Variants in DSCAML1 observed in about 807,000 individuals in gnomAD.
DSCAML1 encodes DS cell adhesion molecule like 1.
A neutral mutation model predicts 200.5 loss-of-function variants in DSCAML1; 38 were observed. That is an observed-to-expected ratio of 0.19 (90% confidence interval 0.15 to 0.25). DSCAML1 has a LOEUF of 0.25. DSCAML1 is among the 10% of genes least tolerant of loss of function. The pLI is 1.00. For synonymous variants in DSCAML1, 1,215 were observed against 1,165.0 expected, an observed-to-expected ratio of 1.04 and a Z score of -0.87; for missense variants, 2,223 against 2,858.8, an observed-to-expected ratio of 0.78 and a Z score of 5.07.
rs892150242 is a variant in DSCAML1 at position 117,796,983 on chromosome 11, G to C, written c.46+51C>G. On this transcript the variant is annotated intron_variant, in intron 1 of 32. Transcript: ENST00000651296. ...GGCACCCCGCCTCGCCGCCAGCCGC[G>C]CCACCCTGGCCCCGCCGCCTCCGCC... is the stretch of plus-strand genomic sequence containing the variant. 1.0e-5 allele frequency: 13 copies of C among 1,254,488 alleles called. No individual in the cohort carries two copies. The African/African-American group carries it at 1.6e-4, about 15-fold the overall frequency. The allele number at this position is 1,254,488 out of a possible 1,614,324, so 77.7% of individuals were successfully genotyped here.
intron 3 of DSCAML1, among the ~76,000 whole-genome samples, chr11:117,550,623 G>A (rs2050451316): frequency 6.6e-6 from 1 of 152,160 alleles, no homozygotes; most frequent in South Asian, 2.1e-4. Context: ...TATCTTCTGA[G>A]CAAGGAGACG....
At chr11:117,731,588 A>T (rs2054219964) in intron 3 of DSCAML1, among the ~76,000 whole-genome samples, 1 of 152,162 alleles carries the variant, frequency 6.6e-6, no homozygotes, top group African/African-American at 2.4e-5. Context: ...GGCCCCCTGG[A>T]TCCCCCCAGA....
Position 117,428,491 on chromosome 11 carries a change from C to T in DSCAML1, c.5999G>A (p.Ser2000Asn), listed in dbSNP as rs758689036. 2 of 1,453,218 alleles carry T rather than the reference C, an allele frequency of 1.4e-6. No individual in the cohort carries two copies. The highest frequency in any genetic ancestry group is 2.5e-5 in the South Asian group (2 of 78,444). 90.0% of individuals were successfully genotyped at this position (1,453,218 alleles called of 1,614,324 possible). The part of the protein sequence containing the change: ...PTPAEPPTAP[S>N]AAPPAPSTEP... ...GGTGCTGGGGGCCGGAGGGGCAGCGCTGGGGGCGGTGGGTGGCTCAGCAGG... is the reference window on the plus strand; with the variant it reads ...GGTGCTGGGGGCCGGAGGGGCAGCGTTGGGGGCGGTGGGTGGCTCAGCAGG... The change falls in exon 33 of 33, where the codon AGC becomes AAC. Residue 2000 changes from serine (S) to asparagine (N), a missense_variant. Coordinates refer to ENST00000651296, the MANE Select transcript of DSCAML1 (RefSeq NM_020693.4).
intron 30 of DSCAML1, 47 bp from the exon 31 acceptor site, chr11:117,431,775 C>A: frequency 1.3e-6 from 2 of 1,485,864 alleles, no homozygotes; most frequent in Non-Finnish European, 1.8e-6. Flanking sequence ...CAAAGGCACC[C>A]AGGCTTGGGC....
intron 4 of DSCAML1, 109 bp downstream of exon 4, chr11:117,532,267 G>T (rs1592703402): frequency 2.8e-6 from 3 of 1,077,328 alleles, no homozygotes; most frequent in African/African-American, 1.6e-5. Flanking sequence ...TGATTTCCCT[G>T]AGTACACAGG....
chr11:117,742,202 C>T lies in DSCAML1; in HGVS notation c.511+34589G>A, dbSNP rs1367553563. ...ACCCAATCCTGAGTTCAGGCCCTCA[C>T]TTCACAGACTGAGACACTGAGGAGG... On this transcript the variant is annotated intron_variant, in intron 3 of 32. Coordinates refer to ENST00000651296, the MANE Select transcript of DSCAML1 (RefSeq NM_020693.4). Among the ~76,000 whole-genome samples, 4 of 152,324 alleles carry T rather than the reference C, an allele frequency of 2.6e-5. No homozygotes were observed. In the East Asian group the frequency reaches 7.7e-4, roughly 29 times the overall value.
At chr11:117,514,572 C>CTTTTTTTTTTT (rs532136039) in intron 8 of DSCAML1, among the ~76,000 whole-genome samples, 137 of 98,282 alleles carry the variant, frequency 1.4e-3, no homozygotes, top group Non-Finnish European at 1.9e-3. Flanking sequence ...TTTTCTTTTT[C>CTTTTTTTTTTT]TTTTTTTTTT....
chr11:117,520,720 GAAAAC>G (rs1039499411), intron 6 of DSCAML1, among the ~76,000 whole-genome samples: 3 of 151,510 alleles, frequency 2.0e-5, no homozygotes, highest in Admixed American at 6.6e-5. Context: ...CTCTGTCTCT[GAAAAC>G]AAAACAAAAC....
At chr11:117,443,329 C>T (rs1377210642) in intron 21 of DSCAML1, among the ~76,000 whole-genome samples, 3 of 152,250 alleles carry the variant, frequency 2.0e-5, no homozygotes, top group African/African-American at 7.2e-5. Flanking sequence ...ATGGCACACC[C>T]ATGTCCCGGT....
At position 117,456,777 on chromosome 11, in the gene DSCAML1, C is replaced by T. The variant is rs546261561; in HGVS notation, c.3568+1977G>A. ...GCAACTTCCACCTCCCAGGTTCAAG[C>T]GATTCTCGTGTTTCAGCCTCCTGAG... On this transcript the variant is annotated intron_variant, in intron 19 of 32. Transcript: ENST00000651296. Among the ~76,000 whole-genome samples the T allele has an allele frequency of 2.7e-3, 400 of 150,700 alleles. 1 individual carries two copies. The highest frequency in any genetic ancestry group is 9.3e-3 in the African/African-American group (382 of 40,978).
At chr11:117,748,900 CCA>C (rs1441522505) in intron 3 of DSCAML1, among the ~76,000 whole-genome samples, 1 of 152,208 alleles carries the variant, frequency 6.6e-6, no homozygotes, top group Non-Finnish European at 1.5e-5. Flanking sequence ...GTCCCACTGC[CCA>C]GGCCCAGTTG....
Position 117,463,364 on chromosome 11 carries a change from CT to C in DSCAML1, c.3265+1577del, listed in dbSNP as rs540060838. 0.019 allele frequency among the ~76,000 whole-genome samples: 2,678 copies of C among 141,220 alleles called. 17 individuals are homozygous for C. The highest frequency in any genetic ancestry group is 0.018 in the Non-Finnish European group (1,181 of 64,194). 92.6% of individuals were successfully genotyped at this position (141,220 alleles called of 152,430 possible). A position where few individuals can be genotyped will look rare whatever the true frequency, so the allele number is the denominator to read the frequency against. ...GGGAACTTATTAGAAATAATACATC[CT>C]TTTTTTTTTTTTTTTAGAGATGGGG... On this transcript the variant is annotated intron_variant, in intron 17 of 32. Coordinates refer to ENST00000651296, the MANE Select transcript of DSCAML1 (RefSeq NM_020693.4). This position sits in a 1 kb window ranked among gnomAD's most constrained non-coding sequence, Gnocchi z 4.0.
In DSCAML1 at chr11:117,503,361, C is replaced by G. The variant is rs780288413; in HGVS notation, c.2359+484G>C. ...TGGAGCACAGGGAGGGGGAGTGACT[C>G]GCCCAAGGTCACTCAGCTCATCAGG... On this transcript the variant is annotated intron_variant, in intron 11 of 32. Coordinates refer to ENST00000651296, the MANE Select transcript of DSCAML1 (RefSeq NM_020693.4). The surrounding 1 kb of genome is among the most constrained non-coding windows in gnomAD (Gnocchi z 5.2). 6.6e-6 allele frequency among the ~76,000 whole-genome samples: 1 copy of G among 152,144 alleles called. No individual in the cohort carries two copies. The highest frequency in any genetic ancestry group is 6.5e-5 in the Admixed American group (1 of 15,278).
intron 11 of DSCAML1, among the ~76,000 whole-genome samples, chr11:117,485,925 A>C (rs1385593048): frequency 6.6e-6 from 1 of 152,180 alleles, no homozygotes; most frequent in Non-Finnish European, 1.5e-5. Flanking sequence ...GTCATAGGCT[A>C]CACCTACTGG....
chr11:117,472,058 C>T (rs1380739836), intron 14 of DSCAML1, 22 bp from the exon 15 acceptor site: 1 of 1,610,978 alleles, frequency 6.2e-7, no homozygotes, highest in Non-Finnish European at 8.5e-7. Flanking sequence ...ACACCTATGT[C>T]AAAGCATGGC....
chr11:117,794,745 G>A (rs1403955191), intron 1 of DSCAML1, among the ~76,000 whole-genome samples: 5 of 151,162 alleles, frequency 3.3e-5, no homozygotes, highest in Admixed American at 6.6e-5. Flanking sequence ...CCCCCAAGCC[G>A]CCTCTGCCAC....
chr11:117,526,865 T>A (rs1181614301), intron 4 of DSCAML1, among the ~76,000 whole-genome samples: 1 of 152,064 alleles, frequency 6.6e-6, no homozygotes, highest in Admixed American at 6.5e-5. Context: ...AGGTCAGGCA[T>A]AGTAGCTCAT....
chr11:117,471,335 C>A (rs1287432643), intron 15 of DSCAML1, among the ~76,000 whole-genome samples: 3 of 152,132 alleles, frequency 2.0e-5, no homozygotes, highest in Non-Finnish European at 2.9e-5. Flanking sequence ...CCACGCCCAG[C>A]TAATTTTTGT....
intron 19 of DSCAML1, among the ~76,000 whole-genome samples, chr11:117,457,043 T>A (rs900966088): frequency 6.6e-6 from 1 of 152,186 alleles, no homozygotes; most frequent in African/African-American, 2.4e-5. Context: ...GTACTTGACA[T>A]TTTAGACGTG....
Sources: allele counts gnomAD v4.1 joint callset (sites outside exome capture counted in the v4.1 genomes callset), GRCh38; gene constraint gnomAD v4.1.1; non-coding constraint Gnocchi (gnomAD v3.1); transcripts MANE v1.5; gene names NCBI Gene and HGNC (gene_info 2026-07-23, HGNC 2026-07-21).